The following DNPEP variants were observed in gnomAD, a reference collection of about 807,000 sequenced individuals.
DNPEP encodes the protein aspartyl aminopeptidase.
A neutral mutation model predicts 59.1 loss-of-function variants in DNPEP; 46 were observed. That is an observed-to-expected ratio of 0.78 (90% CI 0.61 to 0.99). DNPEP has a LOEUF of 0.99. Ranked by LOEUF, DNPEP falls within the 50% of genes least tolerant of loss-of-function variation. DNPEP has a pLI of 0.00. For synonymous variants in DNPEP, 229 were observed against 242.2 expected (o/e 0.95, Z 0.50); for missense variants, 617 against 649.9 (o/e 0.95, Z 0.55).
At chr2:219,386,505 G>A (rs1262666673) in intron 4 of DNPEP, 94 bp from the exon 5 acceptor site, 8 of 1,557,196 alleles carry the variant, frequency 5.1e-6, no homozygotes, top group Non-Finnish European at 4.4e-6. Flanking sequence ...GCGAATATTA[G>A]TGTCACATGA....
At chr2:219,385,937 C>T in intron 6 of DNPEP, 31 bp downstream of exon 6, 12 of 1,612,082 alleles carry the variant, frequency 7.4e-6, no homozygotes, top group Non-Finnish European at 1.0e-5. Flanking sequence ...CTCCATCCCT[C>T]CCAGCCACCG....
At chr2:219,383,617 A>G (rs1157056544) in intron 9 of DNPEP, among the ~76,000 whole-genome samples, 2 of 152,042 alleles carry the variant, frequency 1.3e-5, no homozygotes, top group African/African-American at 4.8e-5. Flanking sequence ...GAGGACAGAG[A>G]GGAAGAGCTG....
upstream of DNPEP, among the ~76,000 whole-genome samples, chr2:219,392,026 T>C (rs536573115): frequency 2.6e-5 from 4 of 152,340 alleles, no homozygotes; most frequent in East Asian, 3.9e-4. Flanking sequence ...CTAGATGTTA[T>C]ATAAATACAT....
chr2:219,383,264 G>GTGGGCTGAGTTCCAGC, intron 9 of DNPEP, 50 bp from the exon 10 acceptor site: 1 of 1,555,506 alleles, frequency 6.4e-7, no homozygotes, highest in Non-Finnish European at 8.9e-7. Flanking sequence ...GCTTCTGCTG[G>GTGGGCTGAGTTCCAGC]AACTCAGCCC....
upstream of DNPEP, chr2:219,388,407 C>G (rs1212050501): frequency 2.0e-5 from 3 of 149,278 alleles, no homozygotes; most frequent in Non-Finnish European, 4.5e-5. Flanking sequence ...CTCCACCCGC[C>G]CCGCCGCTCG....
At chr2:219,386,855 G>C in intron 3 of DNPEP, 37 bp downstream of exon 3, 1 of 1,610,946 alleles carries the variant, frequency 6.2e-7, no homozygotes, top group South Asian at 1.1e-5. Flanking sequence ...GACCAGCCTA[G>C]GGACCTGCCT....
intron 1 of DNPEP, among the ~76,000 whole-genome samples, chr2:219,398,591 A>C (rs1288212962): frequency 6.6e-6 from 1 of 152,128 alleles, no homozygotes; most frequent in Non-Finnish European, 1.5e-5. Context: ...TGGAGGTTGC[A>C]GTGAGCCGAG....
intron 11 of DNPEP, 166 bp from the exon 12 acceptor site, chr2:219,381,750 T>C (rs544953822): frequency 5.5e-6 from 5 of 915,440 alleles, no homozygotes; most frequent in East Asian, 5.1e-5. Flanking sequence ...CCTCTAGCAA[T>C]AGATGGAAAC....
In DNPEP at chr2:219,381,549, T is replaced by C. The variant is rs760562723; in HGVS notation, c.1133A>G (p.His378Arg). ...GGGAGAAATGGCACGTCTCACCTTGTGGAATAAAGGCCGGTGGTTCTCCTC... is the reference window on the plus strand; with the variant it reads ...GGGAGAAATGGCACGTCTCACCTTGCGGAATAAAGGCCGGTGGTTCTCCTC... Reference protein sequence around the residue: ...KHEENHRPLFHKGPVIKVNSK... With the variant: ...KHEENHRPLFRKGPVIKVNSK... Residue 378 changes from histidine to arginine, a missense_variant, in exon 12 of 15, where the codon CAC becomes CGC. By Grantham distance (29) the His-to-Arg change is conservative (BLOSUM62 0). Transcript: ENST00000273075. The C allele has an allele frequency of 1.9e-6, 3 of 1,614,044 alleles. No homozygotes were observed. The highest frequency in any genetic ancestry group is 2.2e-5 in the East Asian group (1 of 44,878).
intron 1 of DNPEP, among the ~76,000 whole-genome samples, chr2:219,396,204 G>A (rs1027170893): frequency 1.3e-5 from 2 of 152,190 alleles, no homozygotes; most frequent in Non-Finnish European, 2.9e-5. Context: ...ATAGTTCTAT[G>A]TCTTGATTAT....
At chr2:219,376,020 C>T (rs1953357215) in intron 13 of DNPEP, among the ~76,000 whole-genome samples, 3 of 152,146 alleles carry the variant, frequency 2.0e-5, no homozygotes, top group African/African-American at 7.2e-5. Flanking sequence ...ATGAACAAGA[C>T]ATGTCTACAA....
intron 13 of DNPEP, among the ~76,000 whole-genome samples, chr2:219,378,902 A>G (rs527660243): frequency 1.3e-5 from 2 of 152,200 alleles, no homozygotes; most frequent in South Asian, 2.1e-4. Flanking sequence ...TGTGTTTACT[A>G]TATTATGCTT....
rs559378168 is a variant in DNPEP at position 219,374,174 on chromosome 2, A to T, written c.*118T>A. 6 of 1,048,748 alleles carry T rather than the reference A, an allele frequency of 5.7e-6. No homozygotes were observed. In the East Asian group the frequency reaches 1.4e-4, roughly 25 times the overall value. The allele number at this position is 1,048,748 out of a possible 1,614,324, so 65.0% of individuals were successfully genotyped here. A position where few individuals can be genotyped will look rare whatever the true frequency, so the allele number is the denominator to read the frequency against. On this transcript the variant is annotated 3_prime_UTR_variant, in exon 15 of 15. Coordinates refer to ENST00000273075, the MANE Select transcript of DNPEP (RefSeq NM_012100.4). ...TCAACTCCCACTCCTCTAGTCTCCA[A>T]ATAAGCGTAGCACGGAGAGTCTGAG...
chr2:219,385,979 T>C lies in DNPEP; in HGVS notation c.579A>G (p.Thr193=). 6.2e-7 allele frequency: 1 copy of C among 1,614,080 alleles called. No homozygotes were observed. Among genetic ancestry groups the C allele is most frequent in the Non-Finnish European group, 8.5e-7 (1 of 1,179,956 alleles). The change falls in exon 6 of 15, where the codon ACA becomes ACG. Residue 193 remains threonine (T), a synonymous_variant. Coordinates refer to ENST00000273075, the MANE Select transcript of DNPEP (RefSeq NM_012100.4). The part of the protein sequence containing the change: ...RNINENFGPN[T]EMHLVPILAT... ...TGCCCCAGTCTCACAGATGCATCTC[T>C]GTGTTGGGCCCAAAGTTCTCGTTGA...
intron 10 of DNPEP, 23 bp downstream of exon 10, chr2:219,383,108 C>T: frequency 6.2e-7 from 1 of 1,609,390 alleles, no homozygotes; most frequent in Non-Finnish European, 8.5e-7. Flanking sequence ...CAGAGGTGAC[C>T]CTCCCCAGAA....
At chr2:219,399,091 A>G (rs1954144970) in intron 1 of DNPEP, among the ~76,000 whole-genome samples, 1 of 152,232 alleles carries the variant, frequency 6.6e-6, no homozygotes, top group African/African-American at 2.4e-5. Context: ...AAATATGTCT[A>G]TGAAGTTCCA....
chr2:219,387,616 T>G (rs1258702336), intron 1 of DNPEP, 143 bp downstream of exon 1: 3 of 1,540,134 alleles, frequency 1.9e-6, no homozygotes, highest in Non-Finnish European at 2.6e-6. Flanking sequence ...CCCGGGAAAG[T>G]CGTCAGGTCA....
At chr2:219,399,931 C>T in intron 1 of DNPEP, 2 of 1,550,188 alleles carry the variant, frequency 1.3e-6, no homozygotes, top group Non-Finnish European at 1.7e-6. Flanking sequence ...GCCATGGTGA[C>T]CTGCTCACCT....
chr2:219,374,075 ACCATCAGCT>A lies in DNPEP; in HGVS notation c.*208_*216del. 1 of 534,342 alleles carries A rather than the reference ACCATCAGCT, an allele frequency of 1.9e-6. No homozygotes were observed. The highest frequency in any genetic ancestry group is 2.9e-5 in the South Asian group (1 of 34,302). The allele number at this position is 534,342 out of a possible 1,614,324, so 33.1% of individuals were successfully genotyped here. A position where few individuals can be genotyped will look rare whatever the true frequency, so the allele number is the denominator to read the frequency against. On this transcript the variant is annotated 3_prime_UTR_variant, in exon 15 of 15. Coordinates refer to ENST00000273075, the MANE Select transcript of DNPEP (RefSeq NM_012100.4). ...GAAGAGATTTAAAACCAGATTTAAA[ACCATCAGCT>A]CCCAGGAGTGTGGCCTCCTCCACCT...
Sources: allele counts gnomAD v4.1 joint callset (sites outside exome capture counted in the v4.1 genomes callset), GRCh38; gene constraint gnomAD v4.1.1; transcripts MANE v1.5; gene names NCBI Gene and HGNC (gene_info 2026-07-23, HGNC 2026-07-21).